The following ARHGEF4 variants were observed in gnomAD, a reference collection of about 807,000 sequenced individuals.
ARHGEF4 encodes APC-stimulated guanine nucleotide exchange factor 1.
ARHGEF4 carries 119 observed loss-of-function variants against 162.0 expected under a neutral mutation model. The ratio of observed to expected loss-of-function variants is 0.73; its 90% CI spans 0.63 to 0.86. ARHGEF4 has a LOEUF of 0.86. Ranked by LOEUF, ARHGEF4 falls within the 40% of genes least tolerant of loss-of-function variation. ARHGEF4 has a pLI of 0.00. For missense variants in ARHGEF4, 2,488 were observed against 2,456.0 expected (o/e 1.01, Z -0.28); for synonymous variants, 1,014 against 979.9 (o/e 1.03, Z -0.65).
intron 1 of ARHGEF4, among the ~76,000 whole-genome samples, chr2:130,876,583 G>A (rs895592858): frequency 2.0e-5 from 3 of 152,018 alleles, no homozygotes; most frequent in South Asian, 2.1e-4. Context: ...TAGTAGAGAC[G>A]GGGTTTCACC....
chr2:131,040,745 G>C (rs1370433400), intron 8 of ARHGEF4, among the ~76,000 whole-genome samples: 1 of 152,218 alleles, frequency 6.6e-6, no homozygotes, highest in Non-Finnish European at 1.5e-5. Context: ...GCTGTTCAGA[G>C]TGAGCTCTGG....
intron 3 of ARHGEF4, among the ~76,000 whole-genome samples, chr2:130,933,206 C>T: frequency 9.4e-6 from 1 of 106,162 alleles, no homozygotes; most frequent in African/African-American, 2.7e-5. Context: ...CAGAGTGAGA[C>T]CCTGTCTCAA....
At chr2:130,837,347 G>C in intron 1 of ARHGEF4, 1 of 339,954 alleles carries the variant, frequency 2.9e-6, no homozygotes, top group South Asian at 3.2e-5. Context: ...GGACCGGCCT[G>C]GGCGCGCAGG....
At chr2:130,975,491 C>T (rs1004453738) in intron 4 of ARHGEF4, among the ~76,000 whole-genome samples, 5 of 152,160 alleles carry the variant, frequency 3.3e-5, no homozygotes, top group African/African-American at 1.2e-4. Flanking sequence ...CTCGGGACAG[C>T]CCTCACTCCA....
chr2:130,851,248 G>A (rs911378949), intron 1 of ARHGEF4, among the ~76,000 whole-genome samples: 2 of 152,280 alleles, frequency 1.3e-5, no homozygotes, highest in Non-Finnish European at 2.9e-5. Flanking sequence ...TGGGAATGCA[G>A]GGCAGAGAGG....
intron 6 of ARHGEF4, chr2:131,039,588 C>G (rs1690601152): frequency 1.9e-6 from 2 of 1,043,162 alleles, no homozygotes; most frequent in Non-Finnish European, 2.3e-6. Context: ...TTCAGATGCT[C>G]CTCCTGCCCC....
intron 1 of ARHGEF4, among the ~76,000 whole-genome samples, chr2:130,885,895 A>G (rs1345261391): frequency 1.3e-5 from 2 of 152,010 alleles, no homozygotes; most frequent in African/African-American, 4.8e-5. Flanking sequence ...TTGTAATTTA[A>G]TATACTCATA....
intron 1 of ARHGEF4, among the ~76,000 whole-genome samples, chr2:130,904,421 A>G (rs1005411131): frequency 6.6e-6 from 1 of 152,170 alleles, no homozygotes; most frequent in Non-Finnish European, 1.5e-5. Flanking sequence ...AGGGGAGCAC[A>G]GCCTCATTAC....
At chr2:130,856,040 G>A (rs1297811381) in intron 1 of ARHGEF4, among the ~76,000 whole-genome samples, 1 of 152,158 alleles carries the variant, frequency 6.6e-6, no homozygotes, top group African/African-American at 2.4e-5. Context: ...CTTTTTGAAG[G>A]GGTGTCATTG....
chr2:131,042,698 C>T (rs1277102555), intron 10 of ARHGEF4, among the ~76,000 whole-genome samples: 1 of 152,224 alleles, frequency 6.6e-6, no homozygotes, highest in Non-Finnish European at 1.5e-5. Context: ...CGGGGCTGAG[C>T]AATAGGGGCA....
In ARHGEF4 at chr2:130,946,539, G is replaced by C. The variant is rs150332346; in HGVS notation, c.3889G>C (p.Glu1297Gln). The change falls in exon 4 of 14, where the codon GAG (glutamate) becomes CAG (glutamine). Residue 1297 changes from glutamate (E) to glutamine (Q), a missense_variant. This residue lies in a region of ARHGEF4 where 1,642 missense variants were observed against 1,481.5 expected (regional missense o/e 1.11). Transcript: ENST00000409359. ...CWRKTIITSP[E>Q]SLNLPRRSHP... ...GAGAAAGACGATCATTACCTCTCCA[G>C]AGTCTTTGAATCTCCCTAGAAGAAG... is the stretch of plus-strand genomic sequence containing the variant. The C allele has an allele frequency of 1.2e-5, 20 of 1,613,826 alleles. No homozygotes were observed. In the African/African-American group the frequency reaches 2.4e-4, roughly 19 times the overall value.
chr2:130,964,718 T>A (rs1265718680), intron 4 of ARHGEF4, among the ~76,000 whole-genome samples: 1 of 152,186 alleles, frequency 6.6e-6, no homozygotes, highest in African/African-American at 2.4e-5. Context: ...TGGCTGTGAG[T>A]GCGCTTGGTC....
At chr2:130,993,382 T>C (rs901319082) in intron 4 of ARHGEF4, among the ~76,000 whole-genome samples, 1 of 152,160 alleles carries the variant, frequency 6.6e-6, no homozygotes, top group South Asian at 2.1e-4. Context: ...CTTTGAAACC[T>C]TTTGAAACTG....
rs191956976 is a variant in ARHGEF4, at chr2:130,987,005, T to C, written c.3985+40370T>C. Among the ~76,000 whole-genome samples the C allele has an allele frequency of 1.2e-4, 19 of 152,308 alleles. No homozygotes were observed. In the South Asian group the frequency reaches 2.1e-3, roughly 17 times the overall value. On this transcript the variant is annotated intron_variant, in intron 4 of 13. Transcript: ENST00000409359. ...CCTTACACAGCAAGCCAACGCTGGC[T>C]CTTCTGTGCATCCCCCCGTGGTCCT...
Position 131,046,105 on chromosome 2 carries a change from G to A in ARHGEF4, c.5547G>A (p.Gln1849=), listed in dbSNP as rs112378842. The A allele has an allele frequency of 1.9e-6, 3 of 1,612,840 alleles. No individual in the cohort carries two copies. The highest frequency in any genetic ancestry group is 1.3e-5 in the African/African-American group (1 of 74,940). Residue 1849 remains glutamine (Q), a synonymous_variant, in exon 14 of 14, where the codon CAG becomes CAA. Transcript: ENST00000409359. ...HPALPSNRPQ[Q]QVLVLAEPRR... is the part of the protein sequence containing the mutation. Reference sequence around the variant, plus strand: ...CCCTGCCCAGCAACCGGCCCCAGCAGCAGGTCCTGGTGCTGGCGGAGCCCA... The same window carrying A: ...CCCTGCCCAGCAACCGGCCCCAGCAACAGGTCCTGGTGCTGGCGGAGCCCA...
At chr2:130,880,067 G>A (rs1337459618) in intron 1 of ARHGEF4, among the ~76,000 whole-genome samples, 2 of 152,206 alleles carry the variant, frequency 1.3e-5, no homozygotes, top group Non-Finnish European at 1.5e-5. Flanking sequence ...CTTGGAGGCT[G>A]TAAGCACGCG....
intron 1 of ARHGEF4, among the ~76,000 whole-genome samples, chr2:130,856,438 A>G: frequency 6.6e-6 from 1 of 152,244 alleles, no homozygotes; most frequent in Non-Finnish European, 1.5e-5. Flanking sequence ...ATATAAAAAA[A>G]TGGAAATAAT....
At position 130,902,487 on chromosome 2, in the gene ARHGEF4, G is replaced by A. The variant is rs1234685623; in HGVS notation, c.40-11499G>A. Among the ~76,000 whole-genome samples the A allele has an allele frequency of 2.0e-5, 3 of 152,146 alleles. 1 individual carries two copies. The highest frequency in any genetic ancestry group is 1.3e-4 in the Admixed American group (2 of 15,284). ...CAGGTGCCTGTAATCCCAGCTACTC[G>A]GGAGGCTGTGGTGGGAGAATCGCTT... On this transcript the variant is annotated intron_variant, in intron 1 of 13. Coordinates refer to ENST00000409359, the MANE Select transcript of ARHGEF4 (RefSeq NM_001367493.1).
chr2:130,918,000 T>C (rs910515071), intron 2 of ARHGEF4, among the ~76,000 whole-genome samples: 1 of 152,012 alleles, frequency 6.6e-6, no homozygotes, highest in Non-Finnish European at 1.5e-5. Context: ...TTTTGTTATT[T>C]TAGTAGAGAC....
Sources: gnomAD v4.1 joint callset for allele counts (sites outside exome capture counted in the v4.1 genomes callset) on GRCh38, gnomAD v4.1.1 for gene constraint, gnomAD v4.1.1 regional missense constraint, MANE v1.5 for transcripts, NCBI Gene and HGNC (gene_info 2026-07-23, HGNC 2026-07-21) for gene names.